ERBB4: variants seen among roughly 807,000 people sequenced by gnomAD.
ERBB4 encodes the protein erb-b2 receptor tyrosine kinase 4.
In ERBB4, 42 loss-of-function variants were observed where a neutral mutation model predicts 158.0. That is an observed-to-expected ratio of 0.27 (90% CI 0.21 to 0.34). The LOEUF is 0.34. Among genes scored for constraint, ERBB4 ranks in the 10% least tolerant of loss-of-function variants. The probability of loss-of-function intolerance (pLI) is 1.00; values close to 1 mark genes in which losing one functional copy is unlikely to be tolerated. For synonymous variants in ERBB4, 583 were observed against 558.7 expected, an observed-to-expected ratio of 1.04 and a Z score of -0.61; for missense variants, 1,333 against 1,624.1, an observed-to-expected ratio of 0.82 and a Z score of 3.08.
At chr2:212,017,910 A>T (rs2076564121) in intron 2 of ERBB4, among the ~76,000 whole-genome samples, 3 of 152,242 alleles carry the variant, frequency 2.0e-5, no homozygotes, top group African/African-American at 4.8e-5. Flanking sequence ...TTCTAACATA[A>T]TCTGACAAAG....
chr2:211,554,637 C>A (rs1483594917), intron 20 of ERBB4, among the ~76,000 whole-genome samples: 1 of 152,232 alleles, frequency 6.6e-6, no homozygotes, highest in African/African-American at 2.4e-5. Flanking sequence ...GTGATGGAAC[C>A]TTGGTCCCAG....
At chr2:212,267,769 G>T (rs538663229) in intron 1 of ERBB4, among the ~76,000 whole-genome samples, 14 of 149,864 alleles carry the variant, frequency 9.3e-5, no homozygotes, top group East Asian at 2.0e-4. Context: ...CCCACAACAG[G>T]CCCCGGTGTG....
intron 20 of ERBB4, among the ~76,000 whole-genome samples, chr2:211,441,120 T>A (rs1324402252): frequency 6.6e-6 from 1 of 152,124 alleles, no homozygotes; most frequent in Non-Finnish European, 1.5e-5. Flanking sequence ...TCTAAATCCC[T>A]TACTGTTGAT....
At position 212,329,467 on chromosome 2, in the gene ERBB4, A is replaced by T. The variant is rs115745590; in HGVS notation, c.83-204564T>A. 6.0e-3 allele frequency among the ~76,000 whole-genome samples: 912 copies of T among 152,172 alleles called. 9 individuals carry two copies. Among genetic ancestry groups the T allele is most frequent in the African/African-American group, 0.02 (846 of 41,550 alleles). ...CATGGTCATAGCCTACTGAGGTTTG[A>T]TTTAGTTTTTAAAGAAAGATTTCTG... On this transcript the variant is annotated intron_variant, in intron 1 of 27. Coordinates refer to ENST00000342788, the MANE Select transcript of ERBB4 (RefSeq NM_005235.3).
At chr2:212,100,545 T>C (rs1383064692) in intron 2 of ERBB4, among the ~76,000 whole-genome samples, 2 of 152,226 alleles carry the variant, frequency 1.3e-5, no homozygotes, top group Non-Finnish European at 1.5e-5. Flanking sequence ...AGAACTACAG[T>C]AAATTGGTTT....
chr2:212,426,025 G>GC (rs2091904487), intron 1 of ERBB4, among the ~76,000 whole-genome samples: 2 of 151,844 alleles, frequency 1.3e-5, no homozygotes, highest in Non-Finnish European at 2.9e-5. Context: ...CTTCAGAAAT[G>GC]TCTTCTTATA....
Position 211,511,411 on chromosome 2 carries a change from C to A in ERBB4, c.2487+50492G>T, listed in dbSNP as rs975062535. Among the ~76,000 whole-genome samples the A allele has an allele frequency of 4.6e-5, 7 of 151,886 alleles. No individual in the cohort carries two copies. In the East Asian group the frequency reaches 5.8e-4, roughly 13 times the overall value. On this transcript the variant is annotated intron_variant, in intron 20 of 27. Transcript: ENST00000342788. ...AATAAATACAGACAGATATATTACA[C>A]AAAAGCAACACTGATATTCTAAGAA...
At chr2:212,127,574 A>G (rs1402483856) in intron 1 of ERBB4, among the ~76,000 whole-genome samples, 3 of 152,236 alleles carry the variant, frequency 2.0e-5, no homozygotes, top group Admixed American at 1.3e-4. Flanking sequence ...CCTGGGCAAC[A>G]GAGCGAGACT....
intron 3 of ERBB4, among the ~76,000 whole-genome samples, chr2:211,850,933 G>C (rs1233997464): frequency 1.3e-5 from 2 of 151,844 alleles, no homozygotes; most frequent in Non-Finnish European, 2.9e-5. Context: ...TATGTATCAG[G>C]TTTAAGGCAG....
At chr2:211,653,875 C>T (rs1054949339) in intron 16 of ERBB4, among the ~76,000 whole-genome samples, 4 of 151,924 alleles carry the variant, frequency 2.6e-5, no homozygotes, top group African/African-American at 9.7e-5. Context: ...GGGGTTTCAC[C>T]GTGTTAGCCA....
rs78664668 is a variant in ERBB4 at position 212,528,932 on chromosome 2, A to G, written c.82+9517T>C. On this transcript the variant is annotated intron_variant, in intron 1 of 27. Transcript: ENST00000342788. ...TAAGATACTGAGAAATCTTAGCTAT[A>G]ACAAAGTTGTATTATCACATATATC... 4.5e-3 allele frequency among the ~76,000 whole-genome samples: 688 copies of G among 152,310 alleles called. 8 individuals are homozygous for G. The East Asian group carries it at 0.046, about 10-fold the overall frequency.
intron 1 of ERBB4, among the ~76,000 whole-genome samples, chr2:212,243,144 T>C (rs1007315108): frequency 6.6e-5 from 10 of 152,180 alleles, no homozygotes; most frequent in Admixed American, 3.3e-4. Context: ...AATTAATCAA[T>C]GGCACAGAAC....
At chr2:211,831,101 A>C (rs2077208761) in intron 3 of ERBB4, among the ~76,000 whole-genome samples, 1 of 152,194 alleles carries the variant, frequency 6.6e-6, no homozygotes, top group African/African-American at 2.4e-5. Flanking sequence ...CTAATGAAAA[A>C]GTACTTAGCT....
At chr2:211,570,287 GA>G (rs1252424180) in intron 19 of ERBB4, among the ~76,000 whole-genome samples, 8 of 146,104 alleles carry the variant, frequency 5.5e-5, no homozygotes, top group African/African-American at 2.0e-4. Flanking sequence ...GAGTAGATGT[GA>G]TTACAGGCAT....
intron 2 of ERBB4, among the ~76,000 whole-genome samples, chr2:212,008,473 G>C (rs2076306360): frequency 6.6e-6 from 1 of 152,082 alleles, no homozygotes; most frequent in Non-Finnish European, 1.5e-5. Context: ...TGAACTCCTA[G>C]TAGGTTGTTT....
intron 20 of ERBB4, among the ~76,000 whole-genome samples, chr2:211,536,073 T>C (rs1251633250): frequency 1.3e-5 from 2 of 152,070 alleles, no homozygotes; most frequent in African/African-American, 4.8e-5. Context: ...TATATAATGT[T>C]AAACAATCAT....
chr2:212,483,354 C>G (rs1209773715), intron 1 of ERBB4, among the ~76,000 whole-genome samples: 2 of 152,302 alleles, frequency 1.3e-5, no homozygotes, highest in East Asian at 3.9e-4. Flanking sequence ...AGAGGTAATT[C>G]TCACTGAATT....
At chr2:211,483,234 C>T (rs888238735) in intron 20 of ERBB4, among the ~76,000 whole-genome samples, 1 of 151,612 alleles carries the variant, frequency 6.6e-6, no homozygotes, top group African/African-American at 2.4e-5. Flanking sequence ...ACCAAATATG[C>T]GTACAATTAT....
chr2:212,033,591 T>C (rs2076950152), intron 2 of ERBB4, among the ~76,000 whole-genome samples: 1 of 151,860 alleles, frequency 6.6e-6, no homozygotes, highest in Non-Finnish European at 1.5e-5. Context: ...TTAAAATAAA[T>C]TGAGTTATTT....
Sources: allele counts gnomAD v4.1 joint callset (sites outside exome capture counted in the v4.1 genomes callset), GRCh38; gene constraint gnomAD v4.1.1; transcripts MANE v1.5; gene names NCBI Gene and HGNC (gene_info 2026-07-23, HGNC 2026-07-21).